SF3A3: variants seen among roughly 807,000 people sequenced by gnomAD.
The protein encoded by SF3A3 is SAP 61.
A neutral mutation model predicts 85.8 loss-of-function variants in SF3A3; 9 were observed. The ratio of observed to expected loss-of-function variants is 0.10; its 90% CI spans 0.06 to 0.18. SF3A3 has a LOEUF of 0.18. Among genes scored for constraint, SF3A3 ranks in the 10% least tolerant of loss-of-function variants. SF3A3 has a pLI of 1.00. For missense variants in SF3A3, 306 were observed against 593.3 expected, an observed-to-expected ratio of 0.52 and a Z score of 5.03; for synonymous variants, 195 against 204.4, an observed-to-expected ratio of 0.95 and a Z score of 0.39.
intron 15 of SF3A3, among the ~76,000 whole-genome samples, chr1:37,961,279 A>T (rs1646255798): frequency 6.6e-6 from 1 of 152,214 alleles, no homozygotes; most frequent in East Asian, 1.9e-4. Context: ...CTTCTTTGCT[A>T]ATTGCTTTAA....
intron 11 of SF3A3, among the ~76,000 whole-genome samples, chr1:37,977,328 T>C (rs1021450977): frequency 1.3e-5 from 2 of 152,126 alleles, no homozygotes; most frequent in African/African-American, 4.8e-5. Flanking sequence ...TTCCATAACT[T>C]TTCTGAGTCC....
At chr1:37,973,516 C>T (rs1646357818) in intron 12 of SF3A3, among the ~76,000 whole-genome samples, 1 of 152,144 alleles carries the variant, frequency 6.6e-6, no homozygotes, top group Non-Finnish European at 1.5e-5. Flanking sequence ...AAATGCAAAT[C>T]AAAACCACAA....
chr1:37,974,086 T>C (rs187743798), intron 12 of SF3A3, among the ~76,000 whole-genome samples: 9 of 152,026 alleles, frequency 5.9e-5, no homozygotes, highest in African/African-American at 2.2e-4. Context: ...TGTTGTGGGG[T>C]TGGAGGACGG....
chr1:37,974,107 G>C (rs1055941687), intron 12 of SF3A3, among the ~76,000 whole-genome samples: 2 of 151,986 alleles, frequency 1.3e-5, no homozygotes, highest in African/African-American at 4.8e-5. Flanking sequence ...GGGAGGGATA[G>C]CATTAGGAGA....
In SF3A3 at chr1:37,988,045, T is replaced by G. The variant is rs577741658; in HGVS notation, c.145-209A>C. On this transcript the variant is annotated intron_variant, in intron 2 of 16. Coordinates refer to ENST00000373019, the MANE Select transcript of SF3A3 (RefSeq NM_006802.4). ...AGCCCTTTAACAGCCTTGATTCCTGTTTAGTTTTTTAAGCAGGTCGATTGG... is the reference window on the plus strand; with the variant it reads ...AGCCCTTTAACAGCCTTGATTCCTGGTTAGTTTTTTAAGCAGGTCGATTGG... Among the ~76,000 whole-genome samples, 32 of 152,318 alleles carry G rather than the reference T, an allele frequency of 2.1e-4. 1 individual carries two copies. In the South Asian group the frequency reaches 6.0e-3, roughly 29 times the overall value.
chr1:37,989,872 T>C lies in SF3A3; in HGVS notation c.94A>G (p.Thr32Ala). 6.2e-7 allele frequency: 1 copy of C among 1,609,792 alleles called. No individual in the cohort carries two copies. Among genetic ancestry groups the C allele is most frequent in the South Asian group, 1.1e-5 (1 of 91,006 alleles). The change falls in exon 1 of 17, where the codon ACG becomes GCG. Residue 32 changes from threonine to alanine, a missense_variant and splice_region_variant. Coordinates refer to ENST00000373019, the MANE Select transcript of SF3A3 (RefSeq NM_006802.4). ...GCCTCTGCTCAGGCCCCACTCACCG[T>C]GGACTTCTTGGTGAGCATCTCTTTA... is the stretch of plus-strand genomic sequence containing the variant. ...MAKEMLTKKS[T>A]LRDQINSDHR...
intron 14 of SF3A3, among the ~76,000 whole-genome samples, chr1:37,969,011 A>G (rs748621583): frequency 5.3e-5 from 8 of 152,182 alleles, no homozygotes; most frequent in Non-Finnish European, 1.0e-4. Flanking sequence ...CCTATTTTTT[A>G]TCTTGAGTAT....
chr1:37,974,401 C>G (rs533706557), intron 12 of SF3A3, among the ~76,000 whole-genome samples: 33 of 150,318 alleles, frequency 2.2e-4, no homozygotes, highest in Non-Finnish European at 4.3e-4. Context: ...CTCCTGGGTT[C>G]ATGCCATTCT....
chr1:37,962,051 T>C (rs1385485491), intron 15 of SF3A3, among the ~76,000 whole-genome samples: 2 of 150,082 alleles, frequency 1.3e-5, no homozygotes, highest in Non-Finnish European at 3.0e-5. Context: ...ACCGCTGCAC[T>C]CCAGCCTGGG....
rs1484332000 is a variant in SF3A3, at chr1:37,978,800, T to G, written c.855A>C (p.Leu285=). The G allele has an allele frequency of 6.4e-7, 1 of 1,573,252 alleles. No individual in the cohort carries two copies. The highest frequency in any genetic ancestry group is 8.6e-7 in the Non-Finnish European group (1 of 1,157,592). ...CCAGGGACTTTCCTTTGGTACTGAA[T>G]AGTCTCTGGGCTCGCTCTTCTAGGG... is the stretch of plus-strand genomic sequence containing the variant. ...GGTLEERAQR[L]FSTKGKSLES... Residue 285 remains leucine (L), a synonymous_variant, in exon 11 of 17, where the codon CTA becomes CTC. Coordinates refer to ENST00000373019, the MANE Select transcript of SF3A3 (RefSeq NM_006802.4).
rs762744179 is a variant in SF3A3 at position 37,987,737 on chromosome 1, G to C, written c.197+47C>G. 1.6e-5 allele frequency: 26 copies of C among 1,599,406 alleles called. No individual in the cohort carries two copies. The South Asian group carries it at 2.8e-4, about 17-fold the overall frequency. On this transcript the variant is annotated intron_variant, in intron 3 of 16. Coordinates refer to ENST00000373019, the MANE Select transcript of SF3A3 (RefSeq NM_006802.4). ...GCACAAAGTCAGTCCTCTAACCATG[G>C]CTCCTCAGAAGCACTAACTCCTGGA...
chr1:37,967,943 CTA>C, intron 15 of SF3A3, 99 bp downstream of exon 15: 1 of 729,458 alleles, frequency 1.4e-6, no homozygotes, highest in East Asian at 2.5e-5. Context: ...TATCCACAAC[CTA>C]CTGCCTTTAA....
At chr1:37,987,541 G>T in intron 4 of SF3A3, 32 bp downstream of exon 4, 1 of 1,451,872 alleles carries the variant, frequency 6.9e-7, no homozygotes, top group Non-Finnish European at 9.7e-7. Flanking sequence ...TTTAAGGATA[G>T]GTCTGGAGAA....
intron 6 of SF3A3, among the ~76,000 whole-genome samples, chr1:37,982,237 T>C (rs1395209319): frequency 6.6e-6 from 1 of 152,180 alleles, no homozygotes; most frequent in African/African-American, 2.4e-5. Flanking sequence ...GGGATCTGAC[T>C]TGCCTGCATG....
rs763184074 is a variant in SF3A3, at chr1:37,989,995, A to C, written c.-30T>G. 1.3e-6 allele frequency: 2 copies of C among 1,537,418 alleles called. No homozygotes were observed. The highest frequency in any genetic ancestry group is 1.8e-6 in the Non-Finnish European group (2 of 1,118,410). ...CCTTAGTCGCGGCTTCTCAATTCAGACCACCAACACGGCCGGAAGCAACTC... is the reference window on the plus strand; with the variant it reads ...CCTTAGTCGCGGCTTCTCAATTCAGCCCACCAACACGGCCGGAAGCAACTC... On this transcript the variant is annotated 5_prime_UTR_variant, in exon 1 of 17. Coordinates refer to ENST00000373019, the MANE Select transcript of SF3A3 (RefSeq NM_006802.4).
intron 16 of SF3A3, 73 bp from the exon 17 acceptor site, chr1:37,958,336 T>C: frequency 9.6e-7 from 1 of 1,037,044 alleles, no homozygotes; most frequent in Non-Finnish European, 1.5e-6. Context: ...TCTAAGTACC[T>C]GAGCTCATCC....
In SF3A3 at chr1:37,969,415, T is replaced by C. The variant is rs776650449; in HGVS notation, c.1220A>G (p.Asn407Ser). ...GGTGTAGTTTCCACAAATCTCACAG[T>C]TGTAGTTGATATTTAGGCCATGAAG... ...YKLHGLNINY[N>S]CEICGNYTYR... Residue 407 changes from asparagine to serine, a missense_variant, in exon 14 of 17, where the codon AAC becomes AGC. Asn to Ser is a conservative substitution (Grantham distance 46). Coordinates refer to ENST00000373019, the MANE Select transcript of SF3A3 (RefSeq NM_006802.4). 3 of 1,612,868 alleles carry C rather than the reference T, an allele frequency of 1.9e-6. No individual in the cohort carries two copies. The highest frequency in any genetic ancestry group is 1.1e-5 in the South Asian group (1 of 91,014).
At position 37,969,284 on chromosome 1, in the gene SF3A3, C is replaced by T; in HGVS notation, c.1281+70G>A. The T allele has an allele frequency of 8.6e-6, 10 of 1,160,372 alleles. No homozygotes were observed. In the South Asian group the frequency reaches 1.2e-4, roughly 14 times the overall value. 71.9% of individuals were successfully genotyped at this position (1,160,372 alleles called of 1,614,324 possible). On this transcript the variant is annotated intron_variant, in intron 14 of 16. Transcript: ENST00000373019. Reference sequence around the variant, plus strand: ...ACACCAGTGGTCCACATAGGCTGCTCCTACTCTTTTCTCTAAAAGTCTCAT... The same window carrying T: ...ACACCAGTGGTCCACATAGGCTGCTTCTACTCTTTTCTCTAAAAGTCTCAT...
At chr1:37,986,186 G>A (rs1646455540) in intron 4 of SF3A3, among the ~76,000 whole-genome samples, 2 of 152,046 alleles carry the variant, frequency 1.3e-5, no homozygotes, top group South Asian at 2.1e-4. Flanking sequence ...GACCTCAGAT[G>A]ATCGACCCGC....
Sources: gnomAD v4.1 joint callset for allele counts (sites outside exome capture counted in the v4.1 genomes callset) on GRCh38, gnomAD v4.1.1 for gene constraint, MANE v1.5 for transcripts, NCBI Gene and HGNC (gene_info 2026-07-23, HGNC 2026-07-21) for gene names.